The following PRKAR1B variants were observed in gnomAD, a reference collection of about 807,000 sequenced individuals.
PRKAR1B encodes the protein protein kinase cAMP-dependent type I regulatory subunit beta, also known as cAMP-dependent protein kinase type I-beta regulatory subunit.
A neutral mutation model predicts 46.5 loss-of-function variants in PRKAR1B; 22 were observed. That is an observed-to-expected ratio of 0.47 (90% CI 0.34 to 0.68). The LOEUF is 0.68. Ranked by LOEUF, PRKAR1B falls within the 30% of genes least tolerant of loss-of-function variation. The pLI, the probability that PRKAR1B is intolerant of heterozygous loss-of-function variation, is 0.01. For synonymous variants in PRKAR1B, 259 were observed against 217.7 expected (o/e 1.19, Z -1.67); for missense variants, 445 against 535.6 (o/e 0.83, Z 1.67).
chr7:642,631 A>G (rs1411963182), intron 4 of PRKAR1B, among the ~76,000 whole-genome samples: 1 of 150,972 alleles, frequency 6.6e-6, no homozygotes. Context: ...AGGCTGAGGC[A>G]GGAGAATGGC....
chr7:706,422 A>ATTTTTTT (rs33963335), intron 2 of PRKAR1B, among the ~76,000 whole-genome samples: 4 of 102,294 alleles, frequency 3.9e-5, no homozygotes, highest in Non-Finnish European at 5.6e-5. Flanking sequence ...CAAATAAGGA[A>ATTTTTTT]TTTTTTTTTT....
At chr7:679,284 G>A (rs1778522147) in intron 3 of PRKAR1B, among the ~76,000 whole-genome samples, 1 of 152,180 alleles carries the variant, frequency 6.6e-6, no homozygotes, top group African/African-American at 2.4e-5. Context: ...CCTTTGTTTG[G>A]CCTGAATGGC....
chr7:566,304 C>T lies in PRKAR1B; in HGVS notation c.891+12952G>A, dbSNP rs554811383. ...TCATCTTCACCTTCATCATCACCATCATCATCACCATATTCACCAACTCAT... is the reference window on the plus strand; with the variant it reads ...TCATCTTCACCTTCATCATCACCATTATCATCACCATATTCACCAACTCAT... On this transcript the variant is annotated intron_variant, in intron 9 of 10. Coordinates refer to ENST00000537384, the MANE Select transcript of PRKAR1B (RefSeq NM_001164760.2). Among the ~76,000 whole-genome samples, 4 of 151,470 alleles carry T rather than the reference C, an allele frequency of 2.6e-5. No homozygotes were observed. In the South Asian group the frequency reaches 8.4e-4, roughly 32 times the overall value.
At chr7:658,407 C>T (rs901267227) in intron 4 of PRKAR1B, among the ~76,000 whole-genome samples, 1 of 152,136 alleles carries the variant, frequency 6.6e-6, no homozygotes, top group African/African-American at 2.4e-5. Context: ...TGTGCTCCAG[C>T]CTGGGCAATA....
chr7:680,751 A>G (rs749892751), intron 2 of PRKAR1B, 25 bp from the exon 3 acceptor site: 23 of 1,613,310 alleles, frequency 1.4e-5, no homozygotes, highest in Non-Finnish European at 1.9e-5. Flanking sequence ...AAAACACAGA[A>G]AGGAAGTAAG....
At chr7:686,552 A>G (rs1339814508) in intron 2 of PRKAR1B, among the ~76,000 whole-genome samples, 1 of 152,152 alleles carries the variant, frequency 6.6e-6, no homozygotes, top group Non-Finnish European at 1.5e-5. Context: ...TCTCTCATCT[A>G]GAATATTGAC....
chr7:692,641 G>A (rs556623580), intron 2 of PRKAR1B, among the ~76,000 whole-genome samples: 1 of 152,312 alleles, frequency 6.6e-6, no homozygotes, highest in Non-Finnish European at 1.5e-5. Context: ...TATCAACACT[G>A]AGGCCCTGCA....
intron 4 of PRKAR1B, among the ~76,000 whole-genome samples, chr7:657,127 A>ATG (rs1785247096): frequency 2.1e-5 from 3 of 141,160 alleles, no homozygotes; most frequent in Non-Finnish European, 4.6e-5. Flanking sequence ...ATGGATGGAT[A>ATG]GATGGATGAA....
Position 584,917 on chromosome 7 carries a change from G to A in PRKAR1B, c.709-349C>T, listed in dbSNP as rs552651519. On this transcript the variant is annotated intron_variant, in intron 7 of 10. Transcript: ENST00000537384. ...GGTTTCTAGCCATGAAGGGCAGGGAGCTCATAAACACATCTGGAGAAACTG... is the reference window on the plus strand; with the variant it reads ...GGTTTCTAGCCATGAAGGGCAGGGAACTCATAAACACATCTGGAGAAACTG... Among the ~76,000 whole-genome samples, 4 of 152,280 alleles carry A rather than the reference G, an allele frequency of 2.6e-5. No homozygotes were observed. In the South Asian group the frequency reaches 8.3e-4, roughly 32 times the overall value.
intron 4 of PRKAR1B, among the ~76,000 whole-genome samples, chr7:628,165 G>A (rs1203955973): frequency 6.6e-6 from 1 of 152,216 alleles, no homozygotes; most frequent in African/African-American, 2.4e-5. Context: ...AGGCACCCCT[G>A]GGGCAGCAAA....
In PRKAR1B at chr7:685,367, C is replaced by CAT. The variant is rs10586227; in HGVS notation, c.178-4643_178-4642dup. On this transcript the variant is annotated intron_variant, in intron 2 of 10. Transcript: ENST00000537384. ...ATATATGTATACATATATATATACA[C>CAT]ATATATATATATACATACATATATA... 5.8e-3 allele frequency among the ~76,000 whole-genome samples: 175 copies of CAT among 30,250 alleles called. 29 individuals are homozygous for CAT. Among genetic ancestry groups the CAT allele is most frequent in the African/African-American group, 0.018 (125 of 7,048 alleles). 19.8% of individuals were successfully genotyped at this position (30,250 alleles called of 152,430 possible). A position where few individuals can be genotyped will look rare whatever the true frequency, so the allele number is the denominator to read the frequency against.
chr7:634,503 T>C (rs1419265170), intron 4 of PRKAR1B, among the ~76,000 whole-genome samples: 1 of 151,792 alleles, frequency 6.6e-6, no homozygotes, highest in African/African-American at 2.4e-5. Flanking sequence ...GGGACAGAGT[T>C]TGAATTTGGG....
intron 4 of PRKAR1B, among the ~76,000 whole-genome samples, chr7:675,849 G>A (rs1786549780): frequency 6.6e-6 from 1 of 152,170 alleles, no homozygotes; most frequent in Non-Finnish European, 1.5e-5. Flanking sequence ...AGGAGGCTGA[G>A]GCAGGAGAAT....
At chr7:557,300 C>G (rs1483626418) in intron 9 of PRKAR1B, among the ~76,000 whole-genome samples, 1 of 152,244 alleles carries the variant, frequency 6.6e-6, no homozygotes, top group African/African-American at 2.4e-5. Context: ...GGAGCCACGA[C>G]TCGGGAGGGC....
Position 593,923 on chromosome 7 carries a change from G to A in PRKAR1B, c.708+2223C>T, listed in dbSNP as rs113489686. Among the ~76,000 whole-genome samples, 177 of 152,294 alleles carry A rather than the reference G, an allele frequency of 1.2e-3. 3 individuals carry two copies. The highest frequency in any genetic ancestry group is 8.1e-3 in the South Asian group (39 of 4,826). ...CAGCCGCCCCAAAGACTGTGCGAAC[G>A]CGCCATCCACAAAACACAAGAGCCG... On this transcript the variant is annotated intron_variant, in intron 7 of 10. Transcript: ENST00000537384. This position sits in a 1 kb window ranked among gnomAD's most constrained non-coding sequence, Gnocchi z 6.1.
intron 7 of PRKAR1B, among the ~76,000 whole-genome samples, chr7:586,516 T>C (rs140561245): frequency 1.4e-3 from 212 of 152,280 alleles, no homozygotes; most frequent in African/African-American, 4.8e-3. Context: ...CCAGCCCTGT[T>C]GGGGGGAAGC....
At chr7:553,080 G>A (rs910358601) in intron 9 of PRKAR1B, among the ~76,000 whole-genome samples, 4 of 152,206 alleles carry the variant, frequency 2.6e-5, no homozygotes, top group African/African-American at 4.8e-5. Flanking sequence ...GGCCCCAGGT[G>A]TGGAAACCGC....
rs187401997 is a variant in PRKAR1B at position 596,590 on chromosome 7, G to A, written c.550-286C>T. On this transcript the variant is annotated intron_variant, in intron 6 of 10. Coordinates refer to ENST00000537384, the MANE Select transcript of PRKAR1B (RefSeq NM_001164760.2). The stretch of plus-strand genomic sequence containing the variant: ...CCAATGAGACAACCACACCAGAGGC[G>A]GACGCACCCGGCCCCCGCTCTGCGG... Among the ~76,000 whole-genome samples, 33 of 152,328 alleles carry A rather than the reference G, an allele frequency of 2.2e-4. No homozygotes were observed. In the East Asian group the frequency reaches 5.8e-3, roughly 27 times the overall value.
intron 2 of PRKAR1B, among the ~76,000 whole-genome samples, chr7:708,085 C>A (rs186415288): frequency 6.6e-6 from 1 of 151,304 alleles, no homozygotes; most frequent in African/African-American, 2.4e-5. Context: ...CATCCCAATA[C>A]ACCTCAATCT....
Sources: allele counts gnomAD v4.1 joint callset (sites outside exome capture counted in the v4.1 genomes callset), GRCh38; gene constraint gnomAD v4.1.1; non-coding constraint Gnocchi (gnomAD v3.1); transcripts MANE v1.5; gene names NCBI Gene and HGNC (gene_info 2026-07-23, HGNC 2026-07-21).